The following PON3 variants were observed in gnomAD, a reference collection of about 807,000 sequenced individuals.
The protein encoded by PON3 is paraoxonase 3, also known as serum paraoxonase/lactonase 3.
PON3 carries 37 observed loss-of-function variants against 36.3 expected under a neutral mutation model. The observed-to-expected ratio is 1.02, with a 90% CI of 0.78 to 1.34. PON3 has a LOEUF of 1.34. PON3 is among the 40% of genes most tolerant of loss of function. PON3 has a pLI of 0.00. For missense variants in PON3, 415 were observed against 426.5 expected (o/e 0.97, Z 0.24); for synonymous variants, 155 against 154.8 (o/e 1.00, Z -0.01).
chr7:95,369,955 C>T (rs1808775005), intron 4 of PON3, among the ~76,000 whole-genome samples: 1 of 152,110 alleles, frequency 6.6e-6, no homozygotes, highest in Non-Finnish European at 1.5e-5. Context: ...GACGGACATT[C>T]CAGGCAGAGG....
chr7:95,362,732 T>C (rs776284914), intron 7 of PON3, 28 bp downstream of exon 7: 15 of 1,554,204 alleles, frequency 9.7e-6, no homozygotes, highest in Middle Eastern at 3.3e-4. Context: ...AGAAGTCAGA[T>C]TGTGTGGGCC....
chr7:95,365,494 T>A (rs1808670560), intron 5 of PON3: 5 of 152,248 alleles, frequency 3.3e-5, no homozygotes, highest in Admixed American at 3.3e-4. Flanking sequence ...TTTTTCTCCT[T>A]GACCAGATTG....
At chr7:95,386,524 T>A (rs10953145) in intron 3 of PON3, among the ~76,000 whole-genome samples, 2 of 151,844 alleles carry the variant, frequency 1.3e-5, no homozygotes, top group Admixed American at 1.3e-4. Context: ...CAGGACCAGA[T>A]GGATTCACAG....
intron 3 of PON3, among the ~76,000 whole-genome samples, chr7:95,378,751 A>G (rs1045859715): frequency 2.0e-5 from 3 of 152,228 alleles, no homozygotes; most frequent in African/African-American, 7.2e-5. Flanking sequence ...CTCCTGAAGG[A>G]AGCACTAAAC....
At chr7:95,362,915 G>A in intron 6 of PON3, 74 bp from the exon 7 acceptor site, 3 of 1,150,756 alleles carry the variant, frequency 2.6e-6, no homozygotes, top group South Asian at 1.2e-5. Flanking sequence ...TTGGAGAAGA[G>A]GTATAAAAAT....
intron 3 of PON3, among the ~76,000 whole-genome samples, chr7:95,381,788 G>A (rs1479797288): frequency 2.6e-5 from 4 of 152,118 alleles, no homozygotes; most frequent in African/African-American, 4.8e-5. Context: ...ATATTAGACA[G>A]ATCAACGAGA....
chr7:95,367,019 T>G (rs1490868007), intron 5 of PON3, among the ~76,000 whole-genome samples: 1 of 152,188 alleles, frequency 6.6e-6, no homozygotes, highest in Non-Finnish European at 1.5e-5. Context: ...CACAACCTAC[T>G]AGGACAACCA....
intron 2 of PON3, 31 bp downstream of exon 2, chr7:95,394,613 C>T (rs997335618): frequency 1.3e-6 from 2 of 1,589,400 alleles, no homozygotes; most frequent in Non-Finnish European, 1.7e-6. Flanking sequence ...AGAAGCTGTG[C>T]TGGCTCCTCT....
chr7:95,368,605 TAGTG>T (rs1453621843), intron 4 of PON3, among the ~76,000 whole-genome samples: 2 of 152,204 alleles, frequency 1.3e-5, no homozygotes, highest in African/African-American at 4.8e-5. Context: ...AAGATATACT[TAGTG>T]AGAGTACTTT....
chr7:95,387,523 G>A (rs1002174341), intron 3 of PON3, among the ~76,000 whole-genome samples: 2 of 152,098 alleles, frequency 1.3e-5, no homozygotes, highest in African/African-American at 4.8e-5. Flanking sequence ...TCATGGATAG[G>A]AAGAATCAAT....
intron 3 of PON3, among the ~76,000 whole-genome samples, chr7:95,373,299 C>A (rs898626263): frequency 6.6e-6 from 1 of 152,172 alleles, no homozygotes; most frequent in Non-Finnish European, 1.5e-5. Context: ...ACTTATGATA[C>A]TATTACTGGC....
chr7:95,363,924 C>A lies in PON3; in HGVS notation c.634G>T (p.Val212Phe). The A allele has an allele frequency of 5.0e-6, 8 of 1,613,850 alleles. No homozygotes were observed. The highest frequency in any genetic ancestry group is 6.8e-6 in the Non-Finnish European group (8 of 1,179,782). Residue 212 changes from valine (V) to phenylalanine (F), a missense_variant, in exon 6 of 9, where the codon GTT (valine) becomes TTT (phenylalanine). Physicochemically the swap from Val to Phe is conservative, Grantham distance 50. Transcript: ENST00000265627. ...TYVLFYSPREVKVVAKGFCSA... is the reference protein window; with the variant it reads ...TYVLFYSPREFKVVAKGFCSA... Reference sequence around the variant, plus strand: ...CAAAATCCTTTGGCCACCACTTTAACCTCCCTTGGGCTGTAGAAAAGAACA... The same window carrying A: ...CAAAATCCTTTGGCCACCACTTTAAACTCCCTTGGGCTGTAGAAAAGAACA...
intron 5 of PON3, chr7:95,365,467 G>A (rs537704041): frequency 1.3e-5 from 2 of 152,390 alleles, no homozygotes; most frequent in Admixed American, 1.3e-4. Context: ...TGGGGCTGGT[G>A]GATAAACCCT....
chr7:95,384,354 G>A (rs1809137034), intron 3 of PON3, among the ~76,000 whole-genome samples: 1 of 152,114 alleles, frequency 6.6e-6, no homozygotes, highest in South Asian at 2.1e-4. Flanking sequence ...ATTCACAAAT[G>A]GGATCTCATT....
At chr7:95,387,274 C>T (rs992768528) in intron 3 of PON3, among the ~76,000 whole-genome samples, 1 of 152,164 alleles carries the variant, frequency 6.6e-6, no homozygotes, top group Non-Finnish European at 1.5e-5. Flanking sequence ...AGCTGATAAG[C>T]AACTTCAGCA....
chr7:95,364,343 TTGTAAATGTTGATCA>T (rs1314270075), intron 5 of PON3: 1 of 459,388 alleles, frequency 2.2e-6, no homozygotes, highest in East Asian at 4.4e-5. Flanking sequence ...ATCTGTTGAC[TTGTAAATGTTGATCA>T]TGGTTATCTG....
chr7:95,381,351 G>A (rs1399171587), intron 3 of PON3, among the ~76,000 whole-genome samples: 14 of 151,980 alleles, frequency 9.2e-5, no homozygotes, highest in Admixed American at 2.0e-4. Flanking sequence ...CACACATAAC[G>A]ATATTAACCT....
intron 7 of PON3, 53 bp downstream of exon 7, chr7:95,362,707 T>C (rs1395530676): frequency 6.7e-7 from 1 of 1,484,718 alleles, no homozygotes; most frequent in Non-Finnish European, 9.4e-7. Flanking sequence ...CTGGGTCAAG[T>C]ATGGGACTAA....
chr7:95,387,369 C>A (rs1196420555), intron 3 of PON3, among the ~76,000 whole-genome samples: 8 of 152,178 alleles, frequency 5.3e-5, no homozygotes, highest in Non-Finnish European at 4.4e-5. Context: ...CATGAGTGAA[C>A]TCCCATTCAC....
Sources: gnomAD v4.1 joint callset for allele counts (sites outside exome capture counted in the v4.1 genomes callset) on GRCh38, gnomAD v4.1.1 for gene constraint, MANE v1.5 for transcripts, NCBI Gene and HGNC (gene_info 2026-07-23, HGNC 2026-07-21) for gene names.